Variants in PARP1 observed in about 807,000 individuals in gnomAD.
PARP1 encodes the protein poly [ADP-ribose] polymerase 1.
A neutral mutation model predicts 118.7 loss-of-function variants in PARP1; 44 were observed. The observed-to-expected ratio is 0.37, with a 90% CI of 0.29 to 0.48. PARP1 has a LOEUF of 0.48. PARP1 is among the 20% of genes least tolerant of loss of function. The pLI, the probability that PARP1 is intolerant of heterozygous loss-of-function variation, is 0.99. For missense variants in PARP1, 1,100 were observed against 1,272.4 expected, an observed-to-expected ratio of 0.86 and a Z score of 2.06; for synonymous variants, 492 against 483.2, an observed-to-expected ratio of 1.02 and a Z score of -0.24.
At chr1:226,390,160 AG>A (rs1664795680) in intron 4 of PARP1, among the ~76,000 whole-genome samples, 1 of 152,166 alleles carries the variant, frequency 6.6e-6, no homozygotes, top group Non-Finnish European at 1.5e-5. Flanking sequence ...GAAGGGGAAT[AG>A]ACCACCAGGA....
intron 2 of PARP1, among the ~76,000 whole-genome samples, chr1:226,400,643 A>G (rs1243677742): frequency 6.6e-6 from 1 of 152,142 alleles, no homozygotes; most frequent in Non-Finnish European, 1.5e-5. Flanking sequence ...ACTGTCACCA[A>G]CAGGCCAACT....
At position 226,361,283 on chromosome 1, in the gene PARP1, A is replaced by C; in HGVS notation, c.*177T>G. On this transcript the variant is annotated 3_prime_UTR_variant, in exon 23 of 23. Transcript: ENST00000366794. ...ACCCCTCCCCACAGACACAACACAA[A>C]ACAAGGGACTTGAGAAGTTAGAGAA... The C allele has an allele frequency of 1.5e-6, 1 of 676,280 alleles. No individual in the cohort carries two copies. The highest frequency in any genetic ancestry group is 2.7e-6 in the Non-Finnish European group (1 of 364,910). The allele number at this position is 676,280 out of a possible 1,614,324, so 41.9% of individuals were successfully genotyped here.
chr1:226,399,041 T>C (rs961357940), intron 2 of PARP1, among the ~76,000 whole-genome samples: 13 of 151,140 alleles, frequency 8.6e-5, no homozygotes, highest in Non-Finnish European at 1.8e-4. Flanking sequence ...TAAAAAGAAA[T>C]GAGCTATCAA....
At chr1:226,395,301 G>C (rs753270060) in intron 2 of PARP1, among the ~76,000 whole-genome samples, 106 of 152,158 alleles carry the variant, frequency 7.0e-4, no homozygotes, top group Non-Finnish European at 1.2e-3. Flanking sequence ...GTGAAAGCAA[G>C]GTCTGTAACA....
intron 1 of PARP1, among the ~76,000 whole-genome samples, chr1:226,406,934 T>C (rs1665159339): frequency 6.6e-6 from 1 of 152,158 alleles, no homozygotes; most frequent in Non-Finnish European, 1.5e-5. Flanking sequence ...ACCTTGACCA[T>C]GAGCACTAAG....
chr1:226,401,768 C>T (rs1428303956), intron 2 of PARP1, among the ~76,000 whole-genome samples: 1 of 152,122 alleles, frequency 6.6e-6, no homozygotes, highest in Non-Finnish European at 1.5e-5. Flanking sequence ...ATACATTTGT[C>T]CAAACCCATA....
chr1:226,391,432 C>G (rs1664817990), intron 3 of PARP1, among the ~76,000 whole-genome samples: 2 of 152,148 alleles, frequency 1.3e-5, no homozygotes, highest in South Asian at 4.1e-4. Flanking sequence ...CTGGGAGGCT[C>G]AATCCAGAGA....
chr1:226,379,228 G>A lies in PARP1; in HGVS notation c.1659C>T (p.Phe553=), dbSNP rs767699437. ...TGTCCACCAGGCCAAGGGTGGCACT[G>A]AAGACCTTCCCACCTTTCTCCAGGA... ...AHVLEKGGKV[F]SATLGLVDIV... is the part of the protein sequence containing the mutation. Residue 553 remains phenylalanine, a synonymous_variant, in exon 12 of 23, where the codon TTC becomes TTT. Coordinates refer to ENST00000366794, the MANE Select transcript of PARP1 (RefSeq NM_001618.4). 11 of 1,614,062 alleles carry A rather than the reference G, an allele frequency of 6.8e-6. No homozygotes were observed. In the Admixed American group the frequency reaches 1.8e-4, roughly 27 times the overall value.
chr1:226,395,337 T>C (rs943514015), intron 2 of PARP1, among the ~76,000 whole-genome samples: 8 of 152,208 alleles, frequency 5.3e-5, no homozygotes, highest in Non-Finnish European at 1.0e-4. Context: ...ATGTTCATTA[T>C]AGCATTATTA....
intron 7 of PARP1, among the ~76,000 whole-genome samples, chr1:226,383,473 C>T (rs1055125477): frequency 3.9e-5 from 6 of 152,156 alleles, no homozygotes; most frequent in Admixed American, 6.5e-5. Context: ...GTGGCCAATT[C>T]GGTCAGGGAA....
rs1487430619 is a variant in PARP1 at position 226,402,386 on chromosome 1, G to A, written c.121-7C>T. 5.0e-6 allele frequency: 8 copies of A among 1,611,816 alleles called. No homozygotes were observed. Among genetic ancestry groups the A allele is most frequent in the Non-Finnish European group, 6.8e-6 (8 of 1,179,776 alleles). ...TTCCATCAAACATGGGCGACTAGAA[G>A]GAAGAGAAACAGAGGGAAGTAAGTA... On this transcript the variant is annotated splice_polypyrimidine_tract_variant and splice_region_variant and intron_variant, in intron 1 of 22. Coordinates refer to ENST00000366794, the MANE Select transcript of PARP1 (RefSeq NM_001618.4).
intron 2 of PARP1, among the ~76,000 whole-genome samples, chr1:226,399,070 A>G (rs1664977518): frequency 6.9e-6 from 1 of 144,582 alleles, no homozygotes; most frequent in African/African-American, 2.6e-5. Flanking sequence ...GACATGGAGG[A>G]ATCTTTTTTT....
rs1664695286 is a variant in PARP1 at position 226,385,396 on chromosome 1, C to T, written c.1011+108G>A. 6 of 905,808 alleles carry T rather than the reference C, an allele frequency of 6.6e-6. No homozygotes were observed. The Admixed American group carries it at 1.1e-4, about 17-fold the overall frequency. 56.1% of individuals were successfully genotyped at this position (905,808 alleles called of 1,614,324 possible). A position where few individuals can be genotyped will look rare whatever the true frequency, so the allele number is the denominator to read the frequency against. ...CAGGATGACGCAGCTGTAAAGAAGT[C>T]TGAGGAACATGGCCCTGCAATCTCA... On this transcript the variant is annotated intron_variant, in intron 7 of 22. Transcript: ENST00000366794.
At chr1:226,362,894 A>G (rs1025551136) in intron 21 of PARP1, among the ~76,000 whole-genome samples, 1 of 151,642 alleles carries the variant, frequency 6.6e-6, no homozygotes, top group Admixed American at 6.6e-5. Flanking sequence ...ATGAACCTCC[A>G]ATCATGGTCA....
At position 226,374,287 on chromosome 1, in the gene PARP1, T is replaced by C. The variant is rs2102732309; in HGVS notation, c.2009A>G (p.Gln670Arg). 3.7e-6 allele frequency: 6 copies of C among 1,614,170 alleles called. No homozygotes were observed. Among genetic ancestry groups the C allele is most frequent in the Non-Finnish European group, 5.1e-6 (6 of 1,179,974 alleles). ...ATCAAAGATCATCTTGATGAGGTCC[T>C]GAACTGGCTTGGGGAGCTTGGACTT... ...GTKSKLPKPV[Q>R]DLIKMIFDVE... The change falls in exon 14 of 23, where the codon CAG becomes CGG. Residue 670 changes from glutamine to arginine, a missense_variant. By Grantham distance (43) the Gln-to-Arg change is conservative. Around this residue, in one of 2 missense-constraint regions of PARP1, gnomAD observed 948 missense variants for 1,031.8 expected, o/e 0.92. Transcript: ENST00000366794.
intron 1 of PARP1, among the ~76,000 whole-genome samples, chr1:226,407,292 G>T (rs12041725): frequency 6.6e-6 from 1 of 151,678 alleles, no homozygotes; most frequent in Non-Finnish European, 1.5e-5. Flanking sequence ...ACACCTTTCT[G>T]CATAGTTCTG....
chr1:226,402,483 G>T, intron 1 of PARP1, 104 bp from the exon 2 acceptor site: 1 of 1,082,838 alleles, frequency 9.2e-7, no homozygotes, highest in Non-Finnish European at 1.4e-6. Flanking sequence ...CCCCAGCAGT[G>T]GGATAGCACA....
rs1451670157 is a variant in PARP1, at chr1:226,377,060, C to T, written c.1941+48G>A. 5.3e-6 allele frequency: 8 copies of T among 1,495,880 alleles called. No homozygotes were observed. The South Asian group carries it at 7.9e-5, about 15-fold the overall frequency. The allele number at this position is 1,495,880 out of a possible 1,614,324, so 92.7% of individuals were successfully genotyped here. A position where few individuals can be genotyped will look rare whatever the true frequency, so the allele number is the denominator to read the frequency against. On this transcript the variant is annotated intron_variant, in intron 13 of 22. Coordinates refer to ENST00000366794, the MANE Select transcript of PARP1 (RefSeq NM_001618.4). ...ATGTGGATTTTCTAGAATAAGGTGT[C>T]CCTTCCTTTTCCTAGAAGCAGACAG...
At chr1:226,373,238 G>T (rs1472402664) in intron 14 of PARP1, among the ~76,000 whole-genome samples, 1 of 152,204 alleles carries the variant, frequency 6.6e-6, no homozygotes, top group East Asian at 1.9e-4. Flanking sequence ...GAGCGTGAAG[G>T]GAGCAACCCC....
Sources: gnomAD v4.1 joint callset for allele counts (sites outside exome capture counted in the v4.1 genomes callset) on GRCh38, gnomAD v4.1.1 for gene constraint, gnomAD v4.1.1 regional missense constraint, MANE v1.5 for transcripts, NCBI Gene and HGNC (gene_info 2026-07-23, HGNC 2026-07-21) for gene names.